Variants in CATSPERE observed in about 807,000 individuals in gnomAD.
CATSPERE encodes cation channel sperm-associated auxiliary subunit epsilon.
Under a neutral mutation model 114.1 loss-of-function variants are expected in CATSPERE, and 93 were observed. That is an observed-to-expected ratio of 0.81 (90% CI 0.69 to 0.97). The LOEUF is 0.97. CATSPERE is among the 50% of genes least tolerant of loss of function. CATSPERE has a pLI of 0.00. For missense variants in CATSPERE, 1,058 were observed against 1,131.6 expected (o/e 0.93, Z 0.93); for synonymous variants, 341 against 384.1 (o/e 0.89, Z 1.31).
At chr1:244,553,600 A>ACACAC (rs775040459) in intron 9 of CATSPERE, among the ~76,000 whole-genome samples, 1 of 32,596 alleles carries the variant, frequency 3.1e-5, no homozygotes, top group Non-Finnish European at 6.1e-5. Context: ...AAAAAAAAAA[A>ACACAC]ATACACACAC....
At chr1:244,574,771 C>T (rs1332125565) in intron 11 of CATSPERE, among the ~76,000 whole-genome samples, 1 of 152,156 alleles carries the variant, frequency 6.6e-6, no homozygotes, top group Non-Finnish European at 1.5e-5. Flanking sequence ...TGTCTGACTT[C>T]ACTGCATCCT....
chr1:244,522,420 A>T (rs962208061), intron 8 of CATSPERE, among the ~76,000 whole-genome samples: 1 of 152,210 alleles, frequency 6.6e-6, no homozygotes, highest in African/African-American at 2.4e-5. Context: ...TCACAATTAA[A>T]AGAACTAGAA....
intron 8 of CATSPERE, among the ~76,000 whole-genome samples, chr1:244,522,240 G>C (rs1442143458): frequency 6.6e-6 from 1 of 152,100 alleles, no homozygotes; most frequent in African/African-American, 2.4e-5. Context: ...TGACTACTGG[G>C]TACATAACAA....
chr1:244,608,692 CCTT>C (rs1411326602), intron 18 of CATSPERE, among the ~76,000 whole-genome samples: 1 of 152,186 alleles, frequency 6.6e-6, no homozygotes, highest in Non-Finnish European at 1.5e-5. Context: ...TCTGCTTTCT[CCTT>C]CTCCCTCTCT....
At position 244,583,894 on chromosome 1, in the gene CATSPERE, G is replaced by A. The variant is rs749686829; in HGVS notation, c.2040G>A (p.Gln680=). 4.5e-5 allele frequency: 73 copies of A among 1,613,996 alleles called. No homozygotes were observed. Among genetic ancestry groups the A allele is most frequent in the Non-Finnish European group, 5.5e-5 (65 of 1,180,000 alleles). ...AGCACACGGGTCTTGTGCTGGTTCAGTTTCGACCTAGTGAATATTCAAAAG... is the reference window on the plus strand; with the variant it reads ...AGCACACGGGTCTTGTGCTGGTTCAATTTCGACCTAGTGAATATTCAAAAG... ...QDKHTGLVLV[Q]FRPSEYSKAC... The change falls in exon 13 of 22, where the codon CAG becomes CAA. Residue 680 remains glutamine (Q), a synonymous_variant. Transcript: ENST00000366534.
chr1:244,610,040 G>A (rs1451737876), intron 18 of CATSPERE, among the ~76,000 whole-genome samples, 200 bp from the exon 19 acceptor site: 3 of 152,008 alleles, frequency 2.0e-5, no homozygotes, highest in African/African-American at 7.2e-5. Flanking sequence ...GTGAGACTCT[G>A]TCTCAAAAAA....
At chr1:244,528,785 C>CCACACACGCACGCGCGCACA (rs749801424) in intron 8 of CATSPERE, among the ~76,000 whole-genome samples, 35 of 130,536 alleles carry the variant, frequency 2.7e-4, no homozygotes, top group African/African-American at 9.5e-4. Context: ...CAATCCCCCA[C>CCACACACGCACGCGCGCACA]CACACACACA....
chr1:244,637,210 C>T (rs1558635739), intron 21 of CATSPERE, among the ~76,000 whole-genome samples: 2 of 152,128 alleles, frequency 1.3e-5, no homozygotes, highest in Non-Finnish European at 2.9e-5. Flanking sequence ...CTACCCGATC[C>T]TTTGAGGCTC....
chr1:244,632,407 A>AAAAATGAAAAAG (rs1448736368), intron 20 of CATSPERE, among the ~76,000 whole-genome samples: 2 of 150,148 alleles, frequency 1.3e-5, no homozygotes, highest in African/African-American at 4.9e-5. Flanking sequence ...AAAAAAAAAA[A>AAAAATGAAAAAG]AATGAAAAAG....
At chr1:244,588,555 C>T (rs772836330) in intron 14 of CATSPERE, 21 bp downstream of exon 14, 15 of 1,562,352 alleles carry the variant, frequency 9.6e-6, no homozygotes, top group Non-Finnish European at 1.3e-5. Context: ...TTCCATTTGA[C>T]CTGTGTTACT....
At chr1:244,461,626 G>C in intron 1 of CATSPERE, 132 bp downstream of exon 1, 1 of 633,950 alleles carries the variant, frequency 1.6e-6, no homozygotes, top group Non-Finnish European at 2.3e-6. Context: ...TCGTCTCCTG[G>C]CTCCCCAACA....
At chr1:244,630,782 G>GAAAAGCTGGAC (rs1558626693) in intron 20 of CATSPERE, among the ~76,000 whole-genome samples, 2 of 151,932 alleles carry the variant, frequency 1.3e-5, no homozygotes, top group African/African-American at 4.8e-5. Flanking sequence ...AGAATGAGTG[G>GAAAAGCTGGAC]TTCGCATCTG....
chr1:244,491,026 G>C (rs769143030), intron 6 of CATSPERE, among the ~76,000 whole-genome samples: 5 of 152,024 alleles, frequency 3.3e-5, no homozygotes, highest in African/African-American at 9.7e-5. Flanking sequence ...GTCAACATTA[G>C]ACAGATCAAC....
At chr1:244,489,997 G>A (rs996670216) in intron 5 of CATSPERE, among the ~76,000 whole-genome samples, 51 of 152,272 alleles carry the variant, frequency 3.3e-4, no homozygotes, top group Admixed American at 5.9e-4. Flanking sequence ...GTTGGCAGAC[G>A]AGCATTCAGT....
At chr1:244,557,236 T>C (rs1661722055) in intron 9 of CATSPERE, among the ~76,000 whole-genome samples, 1 of 151,864 alleles carries the variant, frequency 6.6e-6, no homozygotes, top group Admixed American at 6.6e-5. Flanking sequence ...TTTAGGATTG[T>C]TTTTTCTATT....
At chr1:244,490,306 T>C in intron 5 of CATSPERE, 141 bp from the exon 6 acceptor site, 2 of 538,622 alleles carry the variant, frequency 3.7e-6, no homozygotes, top group Non-Finnish European at 6.6e-6. Flanking sequence ...TGTTTTTACA[T>C]TTAGCCTTTA....
rs904412266 is a variant in CATSPERE at position 244,461,578 on chromosome 1, A to G, written c.65+84A>G. On this transcript the variant is annotated intron_variant, in intron 1 of 21. Transcript: ENST00000366534. Reference sequence around the variant, plus strand: ...GCGGGAGGGTCCTGCTCTCCACCCCATGCGCCTCGGGACCGCTCGCCCTGG... The same window carrying G: ...GCGGGAGGGTCCTGCTCTCCACCCCGTGCGCCTCGGGACCGCTCGCCCTGG... 4.3e-6 allele frequency: 5 copies of G among 1,156,058 alleles called. No homozygotes were observed. The African/African-American group carries it at 4.8e-5, about 11-fold the overall frequency. The allele number at this position is 1,156,058 out of a possible 1,614,324, so 71.6% of individuals were successfully genotyped here.
At chr1:244,517,548 G>T (rs925524317) in intron 7 of CATSPERE, among the ~76,000 whole-genome samples, 1 of 151,894 alleles carries the variant, frequency 6.6e-6, no homozygotes, top group African/African-American at 2.4e-5. Context: ...GAGGTGGGTG[G>T]ATCACCTGAG....
At chr1:244,469,969 C>A (rs994958214) in intron 2 of CATSPERE, among the ~76,000 whole-genome samples, 3 of 151,902 alleles carry the variant, frequency 2.0e-5, no homozygotes, top group Non-Finnish European at 4.4e-5. Context: ...GGAAAAAGAA[C>A]GGTACTGAAA....
Sources: allele counts gnomAD v4.1 joint callset (sites outside exome capture counted in the v4.1 genomes callset), GRCh38; gene constraint gnomAD v4.1.1; transcripts MANE v1.5; gene names NCBI Gene and HGNC (gene_info 2026-07-23, HGNC 2026-07-21).